Variants in UROC1 observed in about 807,000 individuals in gnomAD.
UROC1 encodes the protein urocanate hydratase.
UROC1 carries 79 observed loss-of-function variants against 89.5 expected under a neutral mutation model. That is an observed-to-expected ratio of 0.88 (90% CI 0.74 to 1.06). The LOEUF (loss-of-function observed/expected upper bound fraction) is 1.06, where lower values mean the gene tolerates loss of function less well. Ranked by LOEUF, UROC1 falls within the 50% of genes least tolerant of loss-of-function variation. The pLI, the probability that UROC1 is intolerant of heterozygous loss-of-function variation, is 0.00. For synonymous variants in UROC1, 361 were observed against 354.8 expected (o/e 1.02, Z -0.20); for missense variants, 885 against 907.8 (o/e 0.97, Z 0.32).
rs754089134 is a variant in UROC1 at position 126,517,578 on chromosome 3, C to T, written c.126+16G>A. 34 of 1,612,258 alleles carry T rather than the reference C, an allele frequency of 2.1e-5. No homozygotes were observed. The highest frequency in any genetic ancestry group is 1.7e-4 in the Middle Eastern group (1 of 6,030). On this transcript the variant is annotated intron_variant, in intron 1 of 19. Transcript: ENST00000290868. Reference sequence around the variant, plus strand: ...CCTAGAGGCCAAGGCCTCGGGAGCACGGGCCCACTGCTTACCTGTTTCTCC... The same window carrying T: ...CCTAGAGGCCAAGGCCTCGGGAGCATGGGCCCACTGCTTACCTGTTTCTCC...
At chr3:126,508,763 C>T (rs1026857512) in intron 3 of UROC1, among the ~76,000 whole-genome samples, 16 of 152,228 alleles carry the variant, frequency 1.1e-4, no homozygotes, top group African/African-American at 3.9e-4. Context: ...GGGCCAGGGC[C>T]AGGGTTTAGG....
rs73859504 is a variant in UROC1, at chr3:126,508,169, A to G, written c.412-74T>C. 20,971 of 1,610,968 alleles carry G rather than the reference A, an allele frequency of 0.013. 1,629 individuals carry two copies. The African/African-American group carries it at 0.2, about 16-fold the overall frequency. ...CACACCCAGCCCCACACCACCGTCC[A>G]CGCCTGGACAGCTCCCACAGGCCCC... On this transcript the variant is annotated intron_variant, in intron 4 of 19. Coordinates refer to ENST00000290868, the MANE Select transcript of UROC1 (RefSeq NM_144639.3).
chr3:126,482,264 G>A lies in UROC1; in HGVS notation c.*81C>T, dbSNP rs1935405397. The A allele has an allele frequency of 1.3e-6, 2 of 1,585,352 alleles. No homozygotes were observed. Among genetic ancestry groups the A allele is most frequent in the South Asian group, 1.1e-5 (1 of 88,534 alleles). ...CGAGAAGTGCAGGTAGTGCGGGTGT[G>A]CAGGAAGGGTGTGTGCCATGGCTGG... On this transcript the variant is annotated 3_prime_UTR_variant, in exon 20 of 20. Transcript: ENST00000290868.
Position 126,487,720 on chromosome 3 carries a change from C to T in UROC1, c.1790+478G>A, listed in dbSNP as rs151113393. Among the ~76,000 whole-genome samples, 58 of 152,304 alleles carry T rather than the reference C, an allele frequency of 3.8e-4. 1 individual carries two copies. In the East Asian group the frequency reaches 0.011, roughly 28 times the overall value. ...GCCGGGCAGGGGCAGAGCTGGGAGC[C>T]GAGGGGAGAGGGGAACCAAGACACC... is the stretch of plus-strand genomic sequence containing the variant. On this transcript the variant is annotated intron_variant, in intron 18 of 19. Transcript: ENST00000290868.
intron 1 of UROC1, among the ~76,000 whole-genome samples, chr3:126,514,288 G>A (rs936783489): frequency 2.6e-5 from 4 of 152,336 alleles, no homozygotes; most frequent in East Asian, 1.9e-4. Flanking sequence ...GGCCATCTTC[G>A]GATCTGCTGT....
At chr3:126,516,777 T>C (rs1385749264) in intron 1 of UROC1, among the ~76,000 whole-genome samples, 1 of 136,784 alleles carries the variant, frequency 7.3e-6, no homozygotes, top group Non-Finnish European at 1.5e-5. Flanking sequence ...CACTGTGTCC[T>C]GTTAGGCCTC....
chr3:126,484,020 A>AAGGG (rs1935454524), intron 18 of UROC1, among the ~76,000 whole-genome samples: 1 of 151,910 alleles, frequency 6.6e-6, no homozygotes, highest in East Asian at 1.9e-4. Context: ...CCCCCACCTG[A>AAGGG]TTTTATCCTT....
chr3:126,510,092 A>G (rs554199802), intron 2 of UROC1, among the ~76,000 whole-genome samples: 2 of 152,326 alleles, frequency 1.3e-5, no homozygotes, highest in South Asian at 4.1e-4. Flanking sequence ...TAAAGGGAAC[A>G]ACCCTGGGAT....
intron 9 of UROC1, among the ~76,000 whole-genome samples, chr3:126,502,118 G>A (rs1935937018): frequency 6.6e-6 from 1 of 152,144 alleles, no homozygotes; most frequent in African/African-American, 2.4e-5. Flanking sequence ...ACATATATAT[G>A]TATATATGCG....
At chr3:126,493,350 A>C (rs557161486) in intron 15 of UROC1, among the ~76,000 whole-genome samples, 1 of 152,330 alleles carries the variant, frequency 6.6e-6, no homozygotes, top group Non-Finnish European at 1.5e-5. Context: ...ACAACAGCTG[A>C]GAGGTGGAGG....
At position 126,500,845 on chromosome 3, in the gene UROC1, G is replaced by C. The variant is rs148567215; in HGVS notation, c.995C>G (p.Thr332Arg). ...CCCCAGGTCCACCAAGCACTCCCCC[G>C]TCGTGTCCAATTCGTGGACCAGGCG... The part of the protein sequence containing the change: ...WERLVHELDT[T>R]GECLVDLGSD... Residue 332 changes from threonine to arginine, a missense_variant, in exon 11 of 20, where the codon ACG becomes AGG. By Grantham distance (71) the Thr-to-Arg change is moderately conservative. Coordinates refer to ENST00000290868, the MANE Select transcript of UROC1 (RefSeq NM_144639.3). The C allele has an allele frequency of 6.2e-7, 1 of 1,613,844 alleles. No homozygotes were observed. The highest frequency in any genetic ancestry group is 8.5e-7 in the Non-Finnish European group (1 of 1,180,030).
intron 9 of UROC1, 134 bp from the exon 10 acceptor site, chr3:126,501,414 A>G: frequency 9.4e-7 from 1 of 1,065,156 alleles, no homozygotes; most frequent in Non-Finnish European, 1.4e-6. Flanking sequence ...CGTGGGGGCC[A>G]TGGGGCTGGG....
At chr3:126,510,398 A>G (rs922945718) in intron 2 of UROC1, among the ~76,000 whole-genome samples, 2 of 152,260 alleles carry the variant, frequency 1.3e-5, no homozygotes, top group African/African-American at 4.8e-5. Context: ...AGAATTGCAC[A>G]GGACTGGCTG....
chr3:126,488,529 CA>C (rs1935568125), intron 17 of UROC1, among the ~76,000 whole-genome samples: 1 of 152,270 alleles, frequency 6.6e-6, no homozygotes, highest in Admixed American at 6.5e-5. Context: ...CCAGCTAAAG[CA>C]CTCCGGAAGC....
At chr3:126,486,388 ATC>A (rs1935516104) in intron 18 of UROC1, among the ~76,000 whole-genome samples, 2 of 152,242 alleles carry the variant, frequency 1.3e-5, no homozygotes, top group Non-Finnish European at 2.9e-5. Flanking sequence ...TCTTGTCTTG[ATC>A]TCTTGCACTC....
chr3:126,515,445 C>T (rs1441395731), intron 1 of UROC1, among the ~76,000 whole-genome samples: 4 of 148,230 alleles, frequency 2.7e-5, no homozygotes, highest in Admixed American at 2.0e-4. Flanking sequence ...TCCCCTGCCC[C>T]CAGTGCCCAC....
Position 126,517,717 on chromosome 3 carries a change from CATGTGTGACTGAG to C in UROC1, c.-11_2del. The C allele has an allele frequency of 1.3e-6, 2 of 1,574,174 alleles. No homozygotes were observed. Among genetic ancestry groups the C allele is most frequent in the South Asian group, 2.3e-5 (2 of 86,698 alleles). On this transcript the variant is annotated start_lost and start_retained_variant and 5_prime_UTR_variant, in exon 1 of 20. Coordinates refer to ENST00000290868, the MANE Select transcript of UROC1 (RefSeq NM_144639.3). Reference sequence around the variant, plus strand: ...CAGAGCACAGCGCCTGGAGGCTAGACATGTGTGACTGAGATGGAGGCAGAGGCCAGCACTGTGG... The same window carrying C: ...CAGAGCACAGCGCCTGGAGGCTAGACATGGAGGCAGAGGCCAGCACTGTGG...
chr3:126,486,107 A>G (rs997868203), intron 18 of UROC1, among the ~76,000 whole-genome samples: 5 of 152,176 alleles, frequency 3.3e-5, no homozygotes, highest in Non-Finnish European at 7.4e-5. Flanking sequence ...GTCAGCACCA[A>G]GGGGCTCCGA....
At position 126,509,642 on chromosome 3, in the gene UROC1, T is replaced by G; in HGVS notation, c.294A>C (p.Lys98Asn). 6.4e-7 allele frequency: 1 copy of G among 1,552,330 alleles called. No individual in the cohort carries two copies. Among genetic ancestry groups the G allele is most frequent in the Non-Finnish European group, 8.7e-7 (1 of 1,147,286 alleles). Residue 98 changes from lysine to asparagine, a missense_variant, in exon 3 of 20, where the codon AAA becomes AAC. Lys to Asn is a moderately conservative substitution (Grantham distance 94). Transcript: ENST00000290868. ...TCATGTGCATGATGGCGGCAGCCAC[T>G]TTCGTCTGGCAGGGGTACTGCTCAA... ...YPIEQYPCQT[K>N]VAAAIMHMIM...
Sources: gnomAD v4.1 joint callset for allele counts (sites outside exome capture counted in the v4.1 genomes callset) on GRCh38, gnomAD v4.1.1 for gene constraint, MANE v1.5 for transcripts, NCBI Gene and HGNC (gene_info 2026-07-23, HGNC 2026-07-21) for gene names.